Variants in ME3 observed in about 807,000 individuals in gnomAD.
The protein encoded by ME3 is NADP-dependent malic enzyme, mitochondrial.
Under a neutral mutation model 68.9 loss-of-function variants are expected in ME3, and 48 were observed. That is an observed-to-expected ratio of 0.70 (90% confidence interval 0.55 to 0.89). The LOEUF is 0.89. Ranked by LOEUF, ME3 falls within the 40% of genes least tolerant of loss-of-function variation. ME3 has a pLI of 0.00. For synonymous variants in ME3, 320 were observed against 318.8 expected (o/e 1.00, Z -0.04); for missense variants, 675 against 797.4 (o/e 0.85, Z 1.85).
chr11:86,467,276 C>A (rs1367998297), intron 7 of ME3, among the ~76,000 whole-genome samples: 2 of 152,224 alleles, frequency 1.3e-5, no homozygotes, highest in Non-Finnish European at 2.9e-5. Context: ...ATGCTAAACA[C>A]AAATGCCATT....
chr11:86,589,382 TATGA>T (rs201542002), intron 2 of ME3, among the ~76,000 whole-genome samples: 19 of 147,592 alleles, frequency 1.3e-4, no homozygotes, highest in Non-Finnish European at 1.8e-4. Context: ...AGAGAGAATA[TATGA>T]ATGAATGAAT....
At chr11:86,487,146 A>T (rs1415518957) in intron 7 of ME3, among the ~76,000 whole-genome samples, 191 bp downstream of exon 7, 1 of 152,076 alleles carries the variant, frequency 6.6e-6, no homozygotes, top group East Asian at 1.9e-4. Flanking sequence ...GCTCCCAGGG[A>T]TTCTCTCAGA....
At chr11:86,494,835 CTT>C (rs1952216730) in intron 6 of ME3, among the ~76,000 whole-genome samples, 1 of 152,094 alleles carries the variant, frequency 6.6e-6, no homozygotes, top group South Asian at 2.1e-4. Flanking sequence ...ACTCAATAAA[CTT>C]TTATTAAATA....
At chr11:86,560,593 C>A (rs1162594297) in intron 2 of ME3, among the ~76,000 whole-genome samples, 5 of 151,542 alleles carry the variant, frequency 3.3e-5, no homozygotes, top group African/African-American at 1.2e-4. Context: ...TCATTAGAGT[C>A]AATGAACCAG....
intron 4 of ME3, among the ~76,000 whole-genome samples, chr11:86,531,943 T>C (rs1955269310): frequency 6.6e-6 from 1 of 151,324 alleles, no homozygotes; most frequent in African/African-American, 2.4e-5. Context: ...AACCTGCACA[T>C]TGTGCACATG....
chr11:86,487,595 C>A (rs547585066), intron 6 of ME3, among the ~76,000 whole-genome samples, 155 bp from the exon 7 acceptor site: 7 of 151,964 alleles, frequency 4.6e-5, no homozygotes, highest in Non-Finnish European at 1.0e-4. Flanking sequence ...GGTGTCATTT[C>A]TGAAAGGGTC....
chr11:86,544,525 A>G (rs990611562), intron 4 of ME3, among the ~76,000 whole-genome samples: 3 of 152,240 alleles, frequency 2.0e-5, no homozygotes, highest in South Asian at 4.1e-4. Context: ...TACTATAAAC[A>G]CTTCTACGCA....
intron 2 of ME3, among the ~76,000 whole-genome samples, chr11:86,631,163 A>G (rs1262690641): frequency 6.6e-6 from 1 of 152,210 alleles, no homozygotes; most frequent in Non-Finnish European, 1.5e-5. Flanking sequence ...CCTCTTAACA[A>G]GCAGTTACAA....
intron 2 of ME3, among the ~76,000 whole-genome samples, chr11:86,603,358 T>C (rs1276316842): frequency 6.6e-6 from 1 of 152,172 alleles, no homozygotes; most frequent in Admixed American, 6.5e-5. Context: ...ATGCTCATCA[T>C]CACTAGCCAT....
At chr11:86,487,517 T>C in intron 6 of ME3, 77 bp from the exon 7 acceptor site, 1 of 1,185,486 alleles carries the variant, frequency 8.4e-7, no homozygotes, top group South Asian at 1.3e-5. Context: ...GTATCCAGGA[T>C]TATTAGGAAG....
At chr11:86,459,917 G>T (rs1032757849) in intron 8 of ME3, among the ~76,000 whole-genome samples, 2 of 152,224 alleles carry the variant, frequency 1.3e-5, no homozygotes, top group African/African-American at 4.8e-5. Flanking sequence ...TGATGAGCCA[G>T]TGGGGCTTTC....
intron 2 of ME3, among the ~76,000 whole-genome samples, chr11:86,663,946 C>T (rs1374777957): frequency 1.3e-5 from 2 of 152,242 alleles, no homozygotes; most frequent in South Asian, 2.1e-4. Context: ...TTGCTGCTGA[C>T]GTAATCTAGA....
chr11:86,542,340 G>C (rs565840358), intron 4 of ME3, among the ~76,000 whole-genome samples: 42 of 152,200 alleles, frequency 2.8e-4, no homozygotes, highest in Middle Eastern at 3.4e-3. Flanking sequence ...TCAGAAGGTG[G>C]GTAATAACAA....
chr11:86,514,396 T>G (rs557683582), intron 4 of ME3, among the ~76,000 whole-genome samples: 1 of 152,250 alleles, frequency 6.6e-6, no homozygotes, highest in East Asian at 1.9e-4. Context: ...GAAGAATATT[T>G]AGGTGCCTCA....
intron 4 of ME3, among the ~76,000 whole-genome samples, chr11:86,509,398 TCACA>T (rs3045014): frequency 0.38 from 54,798 of 144,520 alleles, 9,966 homozygotes; most frequent in South Asian, 0.46. Flanking sequence ...TACTCCATCA[TCACA>T]CACACACACA....
chr11:86,542,353 T>G (rs913066340), intron 4 of ME3, among the ~76,000 whole-genome samples: 15 of 151,644 alleles, frequency 9.9e-5, no homozygotes, highest in African/African-American at 3.2e-4. Flanking sequence ...AATAACAAAC[T>G]CCTCTGAGCT....
intron 2 of ME3, among the ~76,000 whole-genome samples, chr11:86,566,082 A>G (rs527565664): frequency 6.6e-6 from 1 of 152,088 alleles, no homozygotes; most frequent in Non-Finnish European, 1.5e-5. Context: ...TCCTGAACAC[A>G]CTCAGCTTTC....
intron 2 of ME3, among the ~76,000 whole-genome samples, chr11:86,652,662 C>A (rs61904298): frequency 6.6e-6 from 1 of 150,690 alleles, no homozygotes; most frequent in Non-Finnish European, 1.5e-5. Flanking sequence ...AAAGACCATC[C>A]ACGCTAGGAA....
chr11:86,567,978 TACA>T (rs1957578691), intron 2 of ME3, among the ~76,000 whole-genome samples: 1 of 152,218 alleles, frequency 6.6e-6, no homozygotes, highest in Non-Finnish European at 1.5e-5. Flanking sequence ...GTAGGGACTG[TACA>T]ACATGTACAA....
Sources: allele counts gnomAD v4.1 joint callset (sites outside exome capture counted in the v4.1 genomes callset), GRCh38; gene constraint gnomAD v4.1.1; transcripts MANE v1.5; gene names NCBI Gene and HGNC (gene_info 2026-07-23, HGNC 2026-07-21).